Variants in SH3RF3 observed in about 807,000 individuals in gnomAD.
SH3RF3 encodes E3 ubiquitin-protein ligase SH3RF3.
A neutral mutation model predicts 66.3 loss-of-function variants in SH3RF3; 29 were observed. That is an observed-to-expected ratio of 0.44 (90% confidence interval 0.33 to 0.60). SH3RF3 has a LOEUF of 0.60. Among genes scored for constraint, SH3RF3 ranks in the 20% least tolerant of loss-of-function variants. The pLI is 0.04. For synonymous variants in SH3RF3, 583 were observed against 532.0 expected (o/e 1.10, Z -1.32); for missense variants, 1,194 against 1,190.9 (o/e 1.00, Z -0.04).
intron 1 of SH3RF3, among the ~76,000 whole-genome samples, chr2:109,213,021 G>A (rs939963556): frequency 2.0e-5 from 3 of 152,214 alleles, no homozygotes; most frequent in Non-Finnish European, 2.9e-5. Flanking sequence ...TCGGCAGCAG[G>A]GTAGGAGTGC....
chr2:109,229,496 C>T (rs1406804872), intron 1 of SH3RF3, among the ~76,000 whole-genome samples: 26 of 152,068 alleles, frequency 1.7e-4, no homozygotes, highest in Admixed American at 1.4e-3. Flanking sequence ...GGGGTGGTCA[C>T]GGCAGGTGGA....
intron 4 of SH3RF3, among the ~76,000 whole-genome samples, chr2:109,404,733 C>G (rs1676410990): frequency 6.6e-6 from 1 of 152,170 alleles, no homozygotes; most frequent in African/African-American, 2.4e-5. Context: ...CATTGACCTA[C>G]TGCTTCCTCT....
chr2:109,447,840 C>CAA (rs1412854393), intron 7 of SH3RF3, among the ~76,000 whole-genome samples: 1 of 152,188 alleles, frequency 6.6e-6, no homozygotes, highest in Non-Finnish European at 1.5e-5. Context: ...CAATCCCTAA[C>CAA]ATCTTTAAGA....
At chr2:109,470,371 C>T (rs1156390017) in intron 8 of SH3RF3, among the ~76,000 whole-genome samples, 1 of 152,168 alleles carries the variant, frequency 6.6e-6, no homozygotes, top group Non-Finnish European at 1.5e-5. Context: ...CAGAGTTTTG[C>T]TGGATCTCAA....
At chr2:109,173,868 T>A (rs1264545405) in intron 1 of SH3RF3, among the ~76,000 whole-genome samples, 1 of 152,246 alleles carries the variant, frequency 6.6e-6, no homozygotes, top group Admixed American at 6.5e-5. Flanking sequence ...TCAGCTCTTT[T>A]GCTGTTGCTT....
intron 6 of SH3RF3, among the ~76,000 whole-genome samples, chr2:109,433,968 T>G (rs1323559456): frequency 6.6e-6 from 1 of 152,214 alleles, no homozygotes; most frequent in African/African-American, 2.4e-5. Flanking sequence ...TCTTCAGTGG[T>G]GTGGGGTGAC....
intron 3 of SH3RF3, among the ~76,000 whole-genome samples, chr2:109,378,879 A>C (rs529502927): frequency 6.6e-6 from 1 of 152,130 alleles, no homozygotes; most frequent in African/African-American, 2.4e-5. Context: ...GTTCCCTCAT[A>C]TGAATGCCCT....
At chr2:109,326,815 G>A (rs185561019) in intron 1 of SH3RF3, among the ~76,000 whole-genome samples, 103 of 152,318 alleles carry the variant, frequency 6.8e-4, no homozygotes, top group Admixed American at 5.3e-3. Context: ...TTAGGGGGAC[G>A]CCTGTCTCAT....
intron 1 of SH3RF3, among the ~76,000 whole-genome samples, chr2:109,203,431 G>A (rs1187897338): frequency 6.6e-6 from 1 of 152,276 alleles, no homozygotes; most frequent in South Asian, 2.1e-4. Context: ...GTGGTCAGGC[G>A]ATCACTGTAT....
At chr2:109,147,676 T>C (rs370436113) in intron 1 of SH3RF3, among the ~76,000 whole-genome samples, 92 of 152,346 alleles carry the variant, frequency 6.0e-4, no homozygotes, top group African/African-American at 2.1e-3. Context: ...TGAAGTGACC[T>C]TTCTTGTATA....
At chr2:109,462,678 TCTCTCCA>T (rs1343102287) in intron 8 of SH3RF3, among the ~76,000 whole-genome samples, 1 of 152,198 alleles carries the variant, frequency 6.6e-6, no homozygotes, top group Non-Finnish European at 1.5e-5. Flanking sequence ...ATAACAGCCC[TCTCTCCA>T]CAGGTCAGGA....
chr2:109,333,895 T>A (rs1399815290), intron 1 of SH3RF3, among the ~76,000 whole-genome samples: 1 of 152,226 alleles, frequency 6.6e-6, no homozygotes, highest in African/African-American at 2.4e-5. Flanking sequence ...ACCAAAATAA[T>A]ACTTGTCTCC....
intron 1 of SH3RF3, among the ~76,000 whole-genome samples, chr2:109,338,138 AT>A (rs1324826046): frequency 6.6e-6 from 1 of 152,114 alleles, no homozygotes; most frequent in Non-Finnish European, 1.5e-5. Flanking sequence ...GTCGGAAGTT[AT>A]TTGCTACCAA....
At chr2:109,234,840 T>C (rs1679606884) in intron 1 of SH3RF3, among the ~76,000 whole-genome samples, 1 of 152,196 alleles carries the variant, frequency 6.6e-6, no homozygotes, top group East Asian at 1.9e-4. Flanking sequence ...AAAAGAGAGA[T>C]GGAATATTGA....
chr2:109,396,435 C>G (rs529076653), intron 3 of SH3RF3, among the ~76,000 whole-genome samples: 2 of 152,318 alleles, frequency 1.3e-5, no homozygotes, highest in African/African-American at 4.8e-5. Context: ...GTGCCTGGGC[C>G]GGGTCTGAAG....
intron 1 of SH3RF3, among the ~76,000 whole-genome samples, chr2:109,347,425 AG>A (rs1264522586): frequency 6.6e-6 from 1 of 151,984 alleles, no homozygotes; most frequent in Admixed American, 6.5e-5. Flanking sequence ...TCTGTGTGGA[AG>A]GCCTCAGACA....
intron 2 of SH3RF3, among the ~76,000 whole-genome samples, chr2:109,361,411 T>C (rs1370032086): frequency 6.6e-6 from 1 of 152,216 alleles, no homozygotes; most frequent in Non-Finnish European, 1.5e-5. Context: ...ATATGTTTGG[T>C]AGAATTCACT....
At chr2:109,375,681 G>A (rs938337768) in intron 3 of SH3RF3, among the ~76,000 whole-genome samples, 3 of 152,260 alleles carry the variant, frequency 2.0e-5, no homozygotes, top group East Asian at 3.9e-4. Context: ...GAGGGACTCC[G>A]TCATCCAGAG....
chr2:109,292,663 T>C (rs1217595740), intron 1 of SH3RF3, among the ~76,000 whole-genome samples: 1 of 152,238 alleles, frequency 6.6e-6, no homozygotes, highest in Non-Finnish European at 1.5e-5. Flanking sequence ...GAAAAGCGTC[T>C]TTTTGGGATG....
Sources: allele counts gnomAD v4.1 joint callset (sites outside exome capture counted in the v4.1 genomes callset), GRCh38; gene constraint gnomAD v4.1.1; transcripts MANE v1.5; gene names NCBI Gene and HGNC (gene_info 2026-07-23, HGNC 2026-07-21).